Variants in CEBPG observed in about 807,000 individuals in gnomAD.
The protein encoded by CEBPG is CCAAT enhancer binding protein gamma, also known as CCAAT/enhancer-binding protein gamma.
In CEBPG, 6 loss-of-function variants were observed where a neutral mutation model predicts 11.1. The ratio of observed to expected loss-of-function variants is 0.54; its 90% CI spans 0.30 to 1.07. CEBPG has a LOEUF of 1.07. CEBPG is among the 50% of genes least tolerant of loss of function. CEBPG has a pLI of 0.07. For synonymous variants in CEBPG, 66 were observed against 71.0 expected (o/e 0.93, Z 0.36); for missense variants, 161 against 187.4 (o/e 0.86, Z 0.82).
At chr19:33,378,166 A>T (rs1034220486) in intron 1 of CEBPG, among the ~76,000 whole-genome samples, 2 of 152,174 alleles carry the variant, frequency 1.3e-5, no homozygotes, top group Admixed American at 1.3e-4. Context: ...AGCTGTAGGG[A>T]CTTAATTGGA....
At chr19:33,376,225 C>T (rs1038194980) in intron 1 of CEBPG, among the ~76,000 whole-genome samples, 1 of 152,084 alleles carries the variant, frequency 6.6e-6, no homozygotes, top group Non-Finnish European at 1.5e-5. Context: ...GGTTCTAGGT[C>T]TGTGGAGAAA....
Position 33,379,681 on chromosome 19 carries a change from G to C in CEBPG, c.442G>C (p.Ala148Pro). ...AAATACGACAGCAGATGGCGACAAT[G>C]CAGGACAGTAGACCTCACCCTTTCC... ...TENTTADGDN[A>P]GQ The change falls in exon 2 of 2, where the codon GCA becomes CCA. Residue 148 changes from alanine to proline, a missense_variant. Coordinates refer to ENST00000284000, the MANE Select transcript of CEBPG (RefSeq NM_001806.4). The C allele has an allele frequency of 1.9e-6, 3 of 1,610,772 alleles. No homozygotes were observed. The highest frequency in any genetic ancestry group is 1.1e-5 in the South Asian group (1 of 90,880).
At chr19:33,378,545 CTG>C (rs1568437993) in intron 1 of CEBPG, among the ~76,000 whole-genome samples, 1 of 152,056 alleles carries the variant, frequency 6.6e-6, no homozygotes, top group Non-Finnish European at 1.5e-5. Flanking sequence ...TTTGGTTAAA[CTG>C]TGGAATTATC....
chr19:33,379,448 A>G lies in CEBPG; in HGVS notation c.209A>G (p.Glu70Gly). 1.2e-6 allele frequency: 2 copies of G among 1,614,136 alleles called. No individual in the cohort carries two copies. The highest frequency in any genetic ancestry group is 1.7e-6 in the Non-Finnish European group (2 of 1,180,034). The change falls in exon 2 of 2, where the codon GAG becomes GGG. Residue 70 changes from glutamate to glycine, a missense_variant. By Grantham distance (98) the Glu-to-Gly change is moderately conservative (BLOSUM62 -2). Transcript: ENST00000284000. Reference sequence around the variant, plus strand: ...AGTGACGAGTATCGGCAACGCCGAGAGAGGAACAACATGGCTGTGAAAAAG... The same window carrying G: ...AGTGACGAGTATCGGCAACGCCGAGGGAGGAACAACATGGCTGTGAAAAAG... The part of the protein sequence containing the change: ...RNSDEYRQRR[E>G]RNNMAVKKSR...
Position 33,374,705 on chromosome 19 carries a change from T to G in CEBPG, c.-97+810T>G, listed in dbSNP as rs1010854864. 3.5e-4 allele frequency: 53 copies of G among 152,180 alleles called. 1 individual carries two copies. Among genetic ancestry groups the G allele is most frequent in the African/African-American group, 1.3e-3 (52 of 41,442 alleles). The allele number at this position is 152,180 out of a possible 1,614,324, so 9.4% of individuals were successfully genotyped here. A position where few individuals can be genotyped will look rare whatever the true frequency, so the allele number is the denominator to read the frequency against. The stretch of plus-strand genomic sequence containing the variant: ...GGTGTGTTGCTTCTCTTCCGCAGGT[T>G]TACGTGTTGGGTTTTCCTCTTGTTT... On this transcript the variant is annotated intron_variant, in intron 1 of 1. Coordinates refer to ENST00000284000, the MANE Select transcript of CEBPG (RefSeq NM_001806.4).
In CEBPG at chr19:33,379,504, G is replaced by C. The variant is rs1033206250; in HGVS notation, c.265G>C (p.Asp89His). ...SRLKSKQKAQDTLQRVNQLKE... is the reference protein window; with the variant it reads ...SRLKSKQKAQHTLQRVNQLKE... ...GTTGAAAAGCAAGCAGAAAGCACAA[G>C]ACACACTGCAGAGAGTCAATCAGCT... The change falls in exon 2 of 2, where the codon GAC becomes CAC. Residue 89 changes from aspartate to histidine, a missense_variant. Transcript: ENST00000284000. 49 of 1,613,922 alleles carry C rather than the reference G, an allele frequency of 3.0e-5. No individual in the cohort carries two copies. Among genetic ancestry groups the C allele is most frequent in the Non-Finnish European group, 4.0e-5 (47 of 1,179,986 alleles).
rs1403822968 is a variant in CEBPG, at chr19:33,379,630, G to C, written c.391G>C (p.Asp131His). The change falls in exon 2 of 2, where the codon GAC becomes CAC. Residue 131 changes from aspartate to histidine, a missense_variant. Asp to His is a moderately conservative substitution (Grantham distance 81). Transcript: ENST00000284000. ...TCTTGAGCATGCACACAACCTTGCA[G>C]ACAACGTACAGTCCATTAGCACTGA... Reference protein sequence around the residue: ...LFLEHAHNLADNVQSISTENT... With the variant: ...LFLEHAHNLAHNVQSISTENT... 6.2e-7 allele frequency: 1 copy of C among 1,614,130 alleles called. No individual in the cohort carries two copies. Among genetic ancestry groups the C allele is most frequent in the Non-Finnish European group, 8.5e-7 (1 of 1,180,024 alleles).
rs760801673 is a variant in CEBPG, at chr19:33,379,381, C to G, written c.142C>G (p.Pro48Ala). 79 of 1,613,852 alleles carry G rather than the reference C, an allele frequency of 4.9e-5. No homozygotes were observed. The highest frequency in any genetic ancestry group is 6.4e-5 in the Non-Finnish European group (76 of 1,180,016). ...GPGGGGKAVAPSKQSKKSSPM... is the reference protein window; with the variant it reads ...GPGGGGKAVAASKQSKKSSPM... ...TGGGGGAGGAGGCAAAGCTGTGGCTCCCAGCAAGCAGAGCAAAAAGAGTTC... is the reference window on the plus strand; with the variant it reads ...TGGGGGAGGAGGCAAAGCTGTGGCTGCCAGCAAGCAGAGCAAAAAGAGTTC... Residue 48 changes from proline to alanine, a missense_variant, in exon 2 of 2, where the codon CCC becomes GCC. Coordinates refer to ENST00000284000, the MANE Select transcript of CEBPG (RefSeq NM_001806.4).
Sources: allele counts gnomAD v4.1 joint callset (sites outside exome capture counted in the v4.1 genomes callset), GRCh38; gene constraint gnomAD v4.1.1; transcripts MANE v1.5; gene names NCBI Gene and HGNC (gene_info 2026-07-23, HGNC 2026-07-21).